The following AKAP19 variants were observed in gnomAD, a reference collection of about 807,000 sequenced individuals.
AKAP19 encodes small A-kinase anchoring protein.
At chr2:189,946,931 C>T in the AKAP19 span, among the ~76,000 whole-genome samples, 1 of 152,178 alleles carries the variant, frequency 6.6e-6, no homozygotes, top group African/African-American at 2.4e-5. Context: ...TTAGCCTATG[C>T]TTAGTGCAGC....
the AKAP19 span, among the ~76,000 whole-genome samples, chr2:189,936,941 A>G: frequency 6.6e-6 from 1 of 152,160 alleles, no homozygotes; most frequent in Non-Finnish European, 1.5e-5. Context: ...CCTGGGCAAC[A>G]TAGCGAGACC....
chr2:190,165,081 C>G, the AKAP19 span, among the ~76,000 whole-genome samples: 6 of 152,142 alleles, frequency 3.9e-5, no homozygotes. Context: ...GCATTTACTT[C>G]ATCTTATAAG....
chr2:190,035,910 A>C, the AKAP19 span, among the ~76,000 whole-genome samples: 1 of 151,864 alleles, frequency 6.6e-6, no homozygotes, highest in Non-Finnish European at 1.5e-5. Flanking sequence ...GTATGTATTT[A>C]TTTTTCTTGG....
At chr2:189,985,437 G>A in the AKAP19 span, among the ~76,000 whole-genome samples, 1 of 152,138 alleles carries the variant, frequency 6.6e-6, no homozygotes, top group Non-Finnish European at 1.5e-5. Flanking sequence ...TCTTTCTTCA[G>A]CTGGTTGCAG....
At chr2:190,011,529 T>C in the AKAP19 span, among the ~76,000 whole-genome samples, 1 of 152,266 alleles carries the variant, frequency 6.6e-6, no homozygotes, top group Non-Finnish European at 1.5e-5. Flanking sequence ...ATGTCATTTT[T>C]CCCATATGTT....
the AKAP19 span, among the ~76,000 whole-genome samples, chr2:189,999,397 T>C: frequency 2.0e-5 from 3 of 152,214 alleles, no homozygotes; most frequent in African/African-American, 7.2e-5. Flanking sequence ...AAGATTTCTT[T>C]CCTTGCTGAT....
chr2:190,139,896 A>G, the AKAP19 span, among the ~76,000 whole-genome samples: 1 of 152,210 alleles, frequency 6.6e-6, no homozygotes, highest in Admixed American at 6.5e-5. Context: ...CAAATGTCCA[A>G]GTCCAAAGTC....
At chr2:190,086,968 G>A in the AKAP19 span, among the ~76,000 whole-genome samples, 1 of 152,158 alleles carries the variant, frequency 6.6e-6, no homozygotes, top group African/African-American at 2.4e-5. Context: ...GTGTTTCCTG[G>A]AAAAAGTATT....
At chr2:190,021,438 T>C in the AKAP19 span, among the ~76,000 whole-genome samples, 2,491 of 152,332 alleles carry the variant, frequency 0.016, 72 homozygotes, top group African/African-American at 0.057. Flanking sequence ...GTTAGAGTTA[T>C]GCTTAGCTTA....
the AKAP19 span, among the ~76,000 whole-genome samples, chr2:189,887,496 G>T: frequency 1.3e-5 from 2 of 152,206 alleles, no homozygotes; most frequent in Middle Eastern, 3.2e-3. Context: ...TATACCCAAA[G>T]TAATGGAATT....
At chr2:189,943,287 G>T in the AKAP19 span, among the ~76,000 whole-genome samples, 1 of 152,166 alleles carries the variant, frequency 6.6e-6, no homozygotes, top group African/African-American at 2.4e-5. Flanking sequence ...TTCAGCTTTG[G>T]TTCAAAGGGC....
chr2:190,014,152 A>G, the AKAP19 span, among the ~76,000 whole-genome samples: 1 of 152,014 alleles, frequency 6.6e-6, no homozygotes, highest in East Asian at 1.9e-4. Context: ...AATTCTTTTT[A>G]TTTCCCTTTT....
the AKAP19 span, among the ~76,000 whole-genome samples, chr2:189,974,784 C>G: frequency 1.3e-5 from 2 of 152,094 alleles, no homozygotes; most frequent in Non-Finnish European, 2.9e-5. Context: ...TCTGTTTTAT[C>G]AGAGACTAAG....
At chr2:190,183,820 G>T in the AKAP19 span, among the ~76,000 whole-genome samples, 1 of 151,492 alleles carries the variant, frequency 6.6e-6, no homozygotes, top group Non-Finnish European at 1.5e-5. Flanking sequence ...GACCTCTTCT[G>T]CTTGCACCTT....
At chr2:189,966,209 AG>A in the AKAP19 span, among the ~76,000 whole-genome samples, 1 of 151,822 alleles carries the variant, frequency 6.6e-6, no homozygotes, top group Non-Finnish European at 1.5e-5. Flanking sequence ...GAAGGGGGTG[AG>A]GGAAAAAAGA....
the AKAP19 span, among the ~76,000 whole-genome samples, chr2:190,120,954 G>A: frequency 0.38 from 57,590 of 151,912 alleles, 13,181 homozygotes; most frequent in East Asian, 0.67. Context: ...TTCTTAATGA[G>A]TGTTCTCTAT....
chr2:190,031,797 C>T, the AKAP19 span, among the ~76,000 whole-genome samples: 2 of 152,112 alleles, frequency 1.3e-5, no homozygotes, highest in Non-Finnish European at 2.9e-5. Flanking sequence ...TTCCACTGTC[C>T]TGGAAAGAAT....
the AKAP19 span, among the ~76,000 whole-genome samples, chr2:189,896,358 C>CA: frequency 6.6e-6 from 1 of 152,076 alleles, no homozygotes; most frequent in Admixed American, 6.6e-5. Flanking sequence ...TTCATAACAA[C>CA]AAATATTCTT....
At chr2:190,037,400 T>G in the AKAP19 span, among the ~76,000 whole-genome samples, 1 of 152,188 alleles carries the variant, frequency 6.6e-6, no homozygotes, top group South Asian at 2.1e-4. Context: ...GGCCAAGAAT[T>G]TGTGAAAGAA....
Sources: gnomAD v4.1 joint callset for allele counts (sites outside exome capture counted in the v4.1 genomes callset) on GRCh38, gnomAD v4.1.1 for gene constraint, MANE v1.5 for transcripts, NCBI Gene and HGNC (gene_info 2026-07-23, HGNC 2026-07-21) for gene names.